Variants in SVIL observed in about 807,000 individuals in gnomAD.
SVIL encodes the protein supervillin.
In SVIL, 101 loss-of-function variants were observed where a neutral mutation model predicts 240.4. The ratio of observed to expected loss-of-function variants is 0.42; its 90% CI spans 0.36 to 0.50. The LOEUF is 0.50. Among genes scored for constraint, SVIL ranks in the 20% least tolerant of loss-of-function variants. The pLI is 0.01. For missense variants in SVIL, 2,512 were observed against 2,818.7 expected (o/e 0.89, Z 2.46); for synonymous variants, 999 against 1,100.0 (o/e 0.91, Z 1.82).
At chr10:29,600,952 G>A (rs1174894257) in intron 1 of SVIL, among the ~76,000 whole-genome samples, 1 of 152,192 alleles carries the variant, frequency 6.6e-6, no homozygotes, top group African/African-American at 2.4e-5. Context: ...CTAGAAGTCA[G>A]ATTTAATAAA....
chr10:29,692,200 C>T (rs968844355), intron 1 of SVIL, among the ~76,000 whole-genome samples: 2 of 152,146 alleles, frequency 1.3e-5, no homozygotes, highest in African/African-American at 2.4e-5. Context: ...AGTAGAGGTT[C>T]GTCAACATGA....
intron 2 of SVIL, among the ~76,000 whole-genome samples, chr10:29,563,562 G>A (rs1478023883): frequency 6.6e-6 from 1 of 152,112 alleles, no homozygotes; most frequent in Non-Finnish European, 1.5e-5. Context: ...ACTGGGAGTC[G>A]TGAGCTTTAA....
intron 29 of SVIL, among the ~76,000 whole-genome samples, chr10:29,477,201 A>G (rs1050263417): frequency 6.6e-6 from 1 of 152,246 alleles, no homozygotes; most frequent in Non-Finnish European, 1.5e-5. Context: ...TACCTAATTT[A>G]AAGTGTGGAC....
chr10:29,723,002 G>A lies in SVIL; in HGVS notation c.-400+12749C>T, dbSNP rs1040372331. The stretch of plus-strand genomic sequence containing the variant: ...ATGGGAGTAATACTACCTACTTCAC[G>A]TGGTACTTGTGATTAAATGACATTA... On this transcript the variant is annotated intron_variant, in intron 1 of 35. Coordinates refer to the SVIL transcript ENST00000375400. Among the ~76,000 whole-genome samples, 12 of 152,284 alleles carry A rather than the reference G, an allele frequency of 7.9e-5. No homozygotes were observed. The East Asian group carries it at 1.7e-3, about 22-fold the overall frequency.
chr10:29,470,587 T>C lies in SVIL; in HGVS notation c.5636-104A>G, dbSNP rs1036649421. 9 of 1,350,916 alleles carry C rather than the reference T, an allele frequency of 6.7e-6. No individual in the cohort carries two copies. The African/African-American group carries it at 1.3e-4, about 19-fold the overall frequency. The allele number at this position is 1,350,916 out of a possible 1,614,324, so 83.7% of individuals were successfully genotyped here. On this transcript the variant is annotated intron_variant, in intron 31 of 37. Transcript: ENST00000355867. The stretch of plus-strand genomic sequence containing the variant: ...GTGTCGTCCAAGGCAGCCACCTCCG[T>C]CCAGGGCCAGGGACTTAGGGGACTG...
At chr10:29,665,663 G>A (rs886125034) in intron 2 of SVIL, among the ~76,000 whole-genome samples, 16 of 152,008 alleles carry the variant, frequency 1.1e-4, no homozygotes, top group South Asian at 8.3e-4. Flanking sequence ...GCATGGTGGC[G>A]GACGCCTGTA....
At position 29,463,429 on chromosome 10, in the gene SVIL, T is replaced by G. The variant is rs553974626; in HGVS notation, c.6277+63A>C. ...CAGAAGGGGAAGGGGGTCTCCTGGC[T>G]GCGCATGCCTGAGGGGCTTCCCCAT... On this transcript the variant is annotated intron_variant, in intron 35 of 37. Transcript: ENST00000355867. The G allele has an allele frequency of 1.3e-4, 208 of 1,547,910 alleles. No individual in the cohort carries two copies. The African/African-American group carries it at 2.7e-3, about 20-fold the overall frequency.
At chr10:29,732,333 T>G (rs1297438688) in intron 1 of SVIL, among the ~76,000 whole-genome samples, 1 of 152,000 alleles carries the variant, frequency 6.6e-6, no homozygotes, top group East Asian at 1.9e-4. Context: ...AAAACCCAAA[T>G]CAAGAGGTAT....
At position 29,484,470 on chromosome 10, in the gene SVIL, T is replaced by C. The variant is rs1306951018; in HGVS notation, c.4955+186A>G. Reference sequence around the variant, plus strand: ...CTTCCAGAAGACTACGACATCCATATTTCTGCAATAGTTAGATAAAAGTTA... The same window carrying C: ...CTTCCAGAAGACTACGACATCCATACTTCTGCAATAGTTAGATAAAAGTTA... On this transcript the variant is annotated intron_variant, in intron 27 of 37. Coordinates refer to ENST00000355867, the MANE Select transcript of SVIL (RefSeq NM_021738.3). This position sits in a 1 kb window ranked among gnomAD's most constrained non-coding sequence, Gnocchi z 4.7. Among the ~76,000 whole-genome samples the C allele has an allele frequency of 6.6e-6, 1 of 152,236 alleles. No individual in the cohort carries two copies. The highest frequency in any genetic ancestry group is 1.5e-5 in the Non-Finnish European group (1 of 68,052).
chr10:29,665,707 T>C (rs1959232190), intron 2 of SVIL, among the ~76,000 whole-genome samples: 1 of 152,068 alleles, frequency 6.6e-6, no homozygotes, highest in African/African-American at 2.4e-5. Context: ...GGCAGGACAA[T>C]GGTGTGAACC....
intron 1 of SVIL, among the ~76,000 whole-genome samples, chr10:29,692,889 C>T (rs1961621825): frequency 6.6e-6 from 1 of 152,144 alleles, no homozygotes; most frequent in Non-Finnish European, 1.5e-5. Context: ...TCCCAAATAG[C>T]TATGACCCAT....
At chr10:29,653,643 A>C (rs1232834955) in intron 3 of SVIL, among the ~76,000 whole-genome samples, 1 of 152,104 alleles carries the variant, frequency 6.6e-6, no homozygotes, top group Non-Finnish European at 1.5e-5. Context: ...AGGCCATTAA[A>C]TTTGTATCTA....
chr10:29,592,965 T>C (rs1343611762), intron 1 of SVIL, among the ~76,000 whole-genome samples: 1 of 152,192 alleles, frequency 6.6e-6, no homozygotes, highest in Non-Finnish European at 1.5e-5. Context: ...AAAATTCTAA[T>C]TTATTAAATT....
At chr10:29,612,141 G>A (rs989001693) in intron 1 of SVIL, among the ~76,000 whole-genome samples, 16 of 152,110 alleles carry the variant, frequency 1.1e-4, no homozygotes, top group Non-Finnish European at 5.9e-5. Context: ...AGTCATAAGA[G>A]AATGTGCTTC....
At chr10:29,732,058 G>A (rs1429250526) in intron 1 of SVIL, among the ~76,000 whole-genome samples, 1 of 152,210 alleles carries the variant, frequency 6.6e-6, no homozygotes, top group Non-Finnish European at 1.5e-5. Context: ...GGCTACAAAT[G>A]GAGTGAAATG....
At chr10:29,609,724 G>T (rs1316963298) in intron 1 of SVIL, among the ~76,000 whole-genome samples, 2 of 152,232 alleles carry the variant, frequency 1.3e-5, no homozygotes, top group Non-Finnish European at 2.9e-5. Context: ...CAGCCTCAAA[G>T]GGAGCTGGCA....
At chr10:29,584,670 G>A (rs182720762) in intron 1 of SVIL, among the ~76,000 whole-genome samples, 2 of 152,208 alleles carry the variant, frequency 1.3e-5, no homozygotes, top group Admixed American at 1.3e-4. Context: ...TTTAACCTGC[G>A]GCCTTCCCAT....
chr10:29,593,912 G>A (rs186262373), intron 1 of SVIL, among the ~76,000 whole-genome samples: 16 of 152,260 alleles, frequency 1.1e-4, no homozygotes, highest in East Asian at 9.7e-4. Flanking sequence ...GTGGTTCTCT[G>A]GGGTTGGGAG....
intron 17 of SVIL, among the ~76,000 whole-genome samples, chr10:29,505,802 T>C (rs1949231189): frequency 6.6e-6 from 1 of 152,122 alleles, no homozygotes; most frequent in Admixed American, 6.5e-5. Flanking sequence ...CTCTGTACTT[T>C]CTGCTGTGAA....
Sources: gnomAD v4.1 joint callset for allele counts (sites outside exome capture counted in the v4.1 genomes callset) on GRCh38, gnomAD v4.1.1 for gene constraint, Gnocchi (gnomAD v3.1) non-coding constraint, MANE v1.5 for transcripts, NCBI Gene and HGNC (gene_info 2026-07-23, HGNC 2026-07-21) for gene names.